The following ZNF267 variants were observed in gnomAD, a reference collection of about 807,000 sequenced individuals.
The protein encoded by ZNF267 is zinc finger (C2H2).
A neutral mutation model predicts 71.6 loss-of-function variants in ZNF267; 61 were observed. The ratio of observed to expected loss-of-function variants is 0.85; its 90% CI spans 0.69 to 1.05. ZNF267 has a LOEUF of 1.05. Ranked by LOEUF, ZNF267 falls within the 50% of genes least tolerant of loss-of-function variation. The pLI is 0.00. For missense variants in ZNF267, 852 were observed against 870.0 expected (o/e 0.98, Z 0.26); for synonymous variants, 288 against 293.2 (o/e 0.98, Z 0.18).
chr16:31,893,848 G>C (rs1349937862), intron 3 of ZNF267, among the ~76,000 whole-genome samples: 1 of 152,194 alleles, frequency 6.6e-6, no homozygotes, highest in African/African-American at 2.4e-5. Flanking sequence ...TCCAGACCAT[G>C]GGTGAGAGGT....
chr16:31,890,314 T>C (rs970595574), intron 3 of ZNF267: 1 of 152,222 alleles, frequency 6.6e-6, no homozygotes. Context: ...TAGTTTTAGT[T>C]TCTATATCCT....
Position 31,915,464 on chromosome 16 carries a change from G to T in ZNF267, c.1215G>T (p.Glu405Asp), listed in dbSNP as rs746952167. 17 of 1,613,792 alleles carry T rather than the reference G, an allele frequency of 1.1e-5. No homozygotes were observed. In the East Asian group the frequency reaches 3.8e-4, roughly 36 times the overall value. ...TGCATCAGAGAATTCACACTGGAGA[G>T]AAACCATACAAATGTAAAGAATGTG... Reference protein sequence around the residue: ...LIVHQRIHTGEKPYKCKECGK... With the variant: ...LIVHQRIHTGDKPYKCKECGK... Residue 405 changes from glutamate (E) to aspartate (D), a missense_variant, in exon 4 of 4, where the codon GAG becomes GAT. Transcript: ENST00000300870.
At chr16:31,903,398 G>C (rs1052420782) in intron 3 of ZNF267, among the ~76,000 whole-genome samples, 1 of 152,180 alleles carries the variant, frequency 6.6e-6, no homozygotes, top group African/African-American at 2.4e-5. Context: ...GTAGAATTCA[G>C]CTGTGAATCC....
At chr16:31,906,793 A>G (rs1394637983) in intron 3 of ZNF267, among the ~76,000 whole-genome samples, 2 of 151,710 alleles carry the variant, frequency 1.3e-5, no homozygotes, top group African/African-American at 4.8e-5. Context: ...TCCTGCATCC[A>G]CTGTCTGGCA....
chr16:31,881,328 CCAGCCTCTT>C (rs1300663318), intron 1 of ZNF267, among the ~76,000 whole-genome samples: 16 of 152,014 alleles, frequency 1.1e-4, no homozygotes, highest in Non-Finnish European at 2.4e-4. Flanking sequence ...CTGCCCAAAT[CCAGCCTCTT>C]CTGAGCCTGG....
At chr16:31,878,519 C>T (rs1036895788) in intron 1 of ZNF267, among the ~76,000 whole-genome samples, 2 of 152,194 alleles carry the variant, frequency 1.3e-5, no homozygotes, top group Non-Finnish European at 2.9e-5. Flanking sequence ...CTGAGGACTC[C>T]TGGCTTGTTG....
chr16:31,914,639 T>C lies in ZNF267; in HGVS notation c.390T>C (p.Asp130=). Residue 130 remains aspartate, a synonymous_variant, in exon 4 of 4, where the codon GAT becomes GAC. Coordinates refer to ENST00000300870, the MANE Select transcript of ZNF267 (RefSeq NM_003414.6). ...EECEGHNGCY[D]EKTFKYDQFD... ...GTGAAGGGCACAATGGATGTTATGA[T>C]GAAAAGACTTTTAAATATGATCAAT... 1 of 1,614,076 alleles carries C rather than the reference T, an allele frequency of 6.2e-7. No individual in the cohort carries two copies. Among genetic ancestry groups the C allele is most frequent in the Non-Finnish European group, 8.5e-7 (1 of 1,179,980 alleles).
intron 3 of ZNF267, among the ~76,000 whole-genome samples, chr16:31,906,464 G>A (rs1232314927): frequency 2.6e-5 from 4 of 152,178 alleles, no homozygotes; most frequent in Non-Finnish European, 5.9e-5. Flanking sequence ...ACCTACTCAA[G>A]CCTGGGCAAT....
chr16:31,881,419 G>A (rs965007875), intron 1 of ZNF267, among the ~76,000 whole-genome samples: 4 of 152,134 alleles, frequency 2.6e-5, no homozygotes, highest in South Asian at 2.1e-4. Flanking sequence ...CTGGGTGGCC[G>A]CTGCTGCCAT....
In ZNF267 at chr16:31,914,766, T is replaced by A; in HGVS notation, c.517T>A (p.Ser173Thr). 1 of 1,613,824 alleles carries A rather than the reference T, an allele frequency of 6.2e-7. No homozygotes were observed. Among genetic ancestry groups the A allele is most frequent in the Non-Finnish European group, 8.5e-7 (1 of 1,179,940 alleles). Residue 173 changes from serine (S) to threonine (T), a missense_variant, in exon 4 of 4, where the codon TCA becomes ACA. Physicochemically the swap from Ser to Thr is moderately conservative, Grantham distance 58 (BLOSUM62 1). Coordinates refer to ENST00000300870, the MANE Select transcript of ZNF267 (RefSeq NM_003414.6). ...ATATAGGAAGGTCTTTACTCATTCATCATTGCTTAATCAACAAGAGGAAAT... is the reference window on the plus strand; with the variant it reads ...ATATAGGAAGGTCTTTACTCATTCAACATTGCTTAATCAACAAGAGGAAAT... Reference protein sequence around the residue: ...DQYRKVFTHSSLLNQQEEIDI... With the variant: ...DQYRKVFTHSTLLNQQEEIDI...
intron 3 of ZNF267, among the ~76,000 whole-genome samples, chr16:31,908,424 T>C (rs532024846): frequency 6.6e-6 from 1 of 152,312 alleles, no homozygotes; most frequent in South Asian, 2.1e-4. Context: ...CATATGTCCA[T>C]TTTTGCTTTG....
At chr16:31,909,064 CGTGTGTGTGT>C (rs58278411) in intron 3 of ZNF267, among the ~76,000 whole-genome samples, 120,241 of 138,280 alleles carry the variant, frequency 0.87, 53,881 homozygotes, top group East Asian at 1. Context: ...GGATATTTTT[CGTGTGTGTGT>C]GTGTGTGTGT....
At chr16:31,904,881 T>G (rs1192183892) in intron 3 of ZNF267, among the ~76,000 whole-genome samples, 1 of 152,346 alleles carries the variant, frequency 6.6e-6, no homozygotes, top group Non-Finnish European at 1.5e-5. Context: ...TTTCTAGCCT[T>G]GATGGTCTTT....
rs758369374 is a variant in ZNF267, at chr16:31,914,855, T to C, written c.606T>C (p.Thr202=). The change falls in exon 4 of 4, where the codon ACT becomes ACC. Residue 202 remains threonine, a synonymous_variant. Coordinates refer to ENST00000300870, the MANE Select transcript of ZNF267 (RefSeq NM_003414.6). Reference sequence around the variant, plus strand: ...CAGTGTTATTTAGGCAGGTCTCTACTCTAAATAGTTACCGAAATGTTTTTA... The same window carrying C: ...CAGTGTTATTTAGGCAGGTCTCTACCCTAAATAGTTACCGAAATGTTTTTA... ...KTSVLFRQVS[T]LNSYRNVFIG... 6.2e-7 allele frequency: 1 copy of C among 1,611,298 alleles called. No individual in the cohort carries two copies. The highest frequency in any genetic ancestry group is 1.1e-5 in the South Asian group (1 of 90,054).
chr16:31,889,982 T>TA (rs1402915360), intron 3 of ZNF267, among the ~76,000 whole-genome samples: 3 of 152,210 alleles, frequency 2.0e-5, no homozygotes, highest in African/African-American at 7.2e-5. Context: ...ACCATTATGA[T>TA]AAAAAACTTG....
At chr16:31,907,375 C>G (rs1044586884) in intron 3 of ZNF267, among the ~76,000 whole-genome samples, 1 of 151,960 alleles carries the variant, frequency 6.6e-6, no homozygotes, top group Non-Finnish European at 1.5e-5. Flanking sequence ...ATTTTTTAAT[C>G]CTGTTTGCCT....
chr16:31,900,320 A>G (rs562550280), intron 3 of ZNF267, among the ~76,000 whole-genome samples: 3 of 152,206 alleles, frequency 2.0e-5, no homozygotes, highest in Non-Finnish European at 4.4e-5. Context: ...ATACTGTTAC[A>G]TGATTTTGTG....
chr16:31,904,067 G>A lies in ZNF267; in HGVS notation c.227-10409G>A, dbSNP rs2084065894. Among the ~76,000 whole-genome samples the A allele has an allele frequency of 2.0e-5, 3 of 152,170 alleles. No homozygotes were observed. In the South Asian group the frequency reaches 6.2e-4, roughly 32 times the overall value. On this transcript the variant is annotated intron_variant, in intron 3 of 3. Transcript: ENST00000300870. ...GTATCCAGTAGTCATTCAGGAGCAG[G>A]TTGTTCAGTTTCCATGTAGTTGAGC...
intron 3 of ZNF267, among the ~76,000 whole-genome samples, chr16:31,893,081 G>C (rs779446283): frequency 5.3e-5 from 8 of 152,248 alleles, no homozygotes; most frequent in Non-Finnish European, 1.2e-4. Flanking sequence ...TGGGCATCCA[G>C]GCATTTCTGT....
Sources: allele counts gnomAD v4.1 joint callset (sites outside exome capture counted in the v4.1 genomes callset), GRCh38; gene constraint gnomAD v4.1.1; transcripts MANE v1.5; gene names NCBI Gene and HGNC (gene_info 2026-07-23, HGNC 2026-07-21).